CLDN14: variants seen among roughly 807,000 people sequenced by gnomAD.
The protein encoded by CLDN14 is claudin-14.
A neutral mutation model predicts 2.1 loss-of-function variants in CLDN14; 2 were observed. The ratio of observed to expected loss-of-function variants is 0.96; its 90% CI spans 0.39 to 3.01. CLDN14 has a LOEUF of 3.01. CLDN14 is among the 30% of genes most tolerant of loss of function. The pLI, the probability that CLDN14 is intolerant of heterozygous loss-of-function variation, is 0.09. For synonymous variants in CLDN14, 136 were observed against 154.4 expected, an observed-to-expected ratio of 0.88 and a Z score of 0.88; for missense variants, 298 against 328.0, an observed-to-expected ratio of 0.91 and a Z score of 0.71.
intron 2 of CLDN14, among the ~76,000 whole-genome samples, chr21:36,504,093 C>A (rs1226293699): frequency 6.7e-6 from 1 of 150,324 alleles, no homozygotes; most frequent in Non-Finnish European, 1.5e-5. Context: ...AATACCAGCA[C>A]TTTGGGAGGC....
chr21:36,490,333 A>G (rs962598823), intron 2 of CLDN14, among the ~76,000 whole-genome samples: 12 of 149,532 alleles, frequency 8.0e-5, no homozygotes, highest in African/African-American at 3.0e-4. Context: ...CCTCCCAAAG[A>G]GCTGGGACTA....
At chr21:36,492,327 G>A (rs1057128752) in intron 2 of CLDN14, among the ~76,000 whole-genome samples, 3 of 141,832 alleles carry the variant, frequency 2.1e-5, no homozygotes, top group Non-Finnish European at 3.0e-5. Context: ...CCAGCTACTC[G>A]GGAGGCTGAG....
chr21:36,545,804 T>A (rs2087522407), intron 1 of CLDN14, among the ~76,000 whole-genome samples: 1 of 152,118 alleles, frequency 6.6e-6, no homozygotes, highest in Non-Finnish European at 1.5e-5. Context: ...ATTAAAATGA[T>A]CCTGGCCCAG....
intron 1 of CLDN14, among the ~76,000 whole-genome samples, chr21:36,556,400 A>G (rs2087599440): frequency 6.6e-6 from 1 of 152,164 alleles, no homozygotes; most frequent in Non-Finnish European, 1.5e-5. Flanking sequence ...CTTGGACCCT[A>G]TAGTCCACTC....
At chr21:36,465,458 C>G (rs1469906579) in intron 1 of CLDN14, among the ~76,000 whole-genome samples, 1 of 152,234 alleles carries the variant, frequency 6.6e-6, no homozygotes, top group African/African-American at 2.4e-5. Flanking sequence ...CCCCAACTCC[C>G]AGACACAAGC....
At chr21:36,569,372 C>T (rs2087693128) in intron 1 of CLDN14, among the ~76,000 whole-genome samples, 1 of 150,630 alleles carries the variant, frequency 6.6e-6, no homozygotes, top group Admixed American at 6.6e-5. Flanking sequence ...GCTGAAATCG[C>T]ACCACTATAG....
At position 36,461,329 on chromosome 21, in the gene CLDN14, T is replaced by C. The variant is rs1366119334; in HGVS notation, c.367A>G (p.Thr123Ala). 2 of 1,613,190 alleles carry C rather than the reference T, an allele frequency of 1.2e-6. No individual in the cohort carries two copies. Among genetic ancestry groups the C allele is most frequent in the African/African-American group, 2.7e-5 (2 of 74,900 alleles). ...AGGAGGCCGGCCAGGATGAAGAGGG[T>C]GCCGCCGAGGATGGCAAAGGTGGTC... ...AKTTFAILGG[T>A]LFILAGLLCM... Residue 123 changes from threonine to alanine, a missense_variant, in exon 2 of 2, where the codon ACC becomes GCC. Physicochemically the swap from Thr to Ala is moderately conservative, Grantham distance 58. Coordinates refer to ENST00000399135, the MANE Select transcript of CLDN14 (RefSeq NM_001146079.2).
intron 2 of CLDN14, among the ~76,000 whole-genome samples, chr21:36,485,234 G>A (rs2086883301): frequency 1.3e-5 from 2 of 150,304 alleles, no homozygotes; most frequent in South Asian, 2.1e-4. Context: ...TTTTGATGGC[G>A]TCTTAGTCTG....
At chr21:36,488,948 G>T (rs1224384690) in intron 2 of CLDN14, among the ~76,000 whole-genome samples, 1 of 150,942 alleles carries the variant, frequency 6.6e-6, no homozygotes, top group African/African-American at 2.4e-5. Flanking sequence ...GGCCAACACG[G>T]TGAATACAAA....
chr21:36,470,609 T>C (rs568979762), intron 1 of CLDN14, among the ~76,000 whole-genome samples: 1 of 152,316 alleles, frequency 6.6e-6, no homozygotes, highest in South Asian at 2.1e-4. Context: ...TCCCAGGTTG[T>C]GGTGCTTTGT....
At chr21:36,552,822 G>A (rs895689778) in intron 1 of CLDN14, among the ~76,000 whole-genome samples, 3 of 152,146 alleles carry the variant, frequency 2.0e-5, no homozygotes, top group South Asian at 2.1e-4. Flanking sequence ...CCTTGGCCTC[G>A]CTGCTGGGAG....
chr21:36,570,024 C>T (rs1437488970), intron 1 of CLDN14, among the ~76,000 whole-genome samples: 2 of 152,188 alleles, frequency 1.3e-5, no homozygotes. Flanking sequence ...CTTGCTCTTA[C>T]ACTTTTTATG....
At chr21:36,567,012 A>G (rs975267405) in intron 1 of CLDN14, among the ~76,000 whole-genome samples, 2 of 152,216 alleles carry the variant, frequency 1.3e-5, no homozygotes, top group Admixed American at 6.5e-5. Flanking sequence ...CAAACATGAA[A>G]GATGCTGGAG....
chr21:36,532,773 A>G (rs930509011), intron 1 of CLDN14, among the ~76,000 whole-genome samples: 1 of 152,192 alleles, frequency 6.6e-6, no homozygotes, highest in African/African-American at 2.4e-5. Context: ...TGACTAAAAG[A>G]AAGTATTTAA....
intron 1 of CLDN14, among the ~76,000 whole-genome samples, chr21:36,464,774 T>C (rs910569719): frequency 1.3e-5 from 2 of 152,250 alleles, no homozygotes; most frequent in African/African-American, 4.8e-5. Context: ...CAGTGACTGT[T>C]ACCATCCCCT....
At chr21:36,567,621 G>A (rs988527789) in intron 1 of CLDN14, among the ~76,000 whole-genome samples, 1 of 152,122 alleles carries the variant, frequency 6.6e-6, no homozygotes, top group African/African-American at 2.4e-5. Flanking sequence ...AAGCATTTTT[G>A]TAAACTGAGA....
intron 1 of CLDN14, among the ~76,000 whole-genome samples, chr21:36,515,362 A>G (rs1028057207): frequency 1.3e-5 from 2 of 152,216 alleles, no homozygotes; most frequent in East Asian, 3.9e-4. Flanking sequence ...ATCATGGGAC[A>G]TGATTCAGCC....
chr21:36,501,038 G>A (rs770101361), intron 2 of CLDN14, among the ~76,000 whole-genome samples: 4 of 152,328 alleles, frequency 2.6e-5, no homozygotes, highest in Non-Finnish European at 4.4e-5. Flanking sequence ...CGGGGGGTGC[G>A]GCTCAGCCGC....
intron 2 of CLDN14, among the ~76,000 whole-genome samples, chr21:36,507,023 T>C (rs1042797355): frequency 1.3e-5 from 2 of 151,958 alleles, no homozygotes; most frequent in African/African-American, 4.8e-5. Context: ...CTCAGGAGGC[T>C]GAGGCAGAAG....
Sources: gnomAD v4.1 joint callset for allele counts (sites outside exome capture counted in the v4.1 genomes callset) on GRCh38, gnomAD v4.1.1 for gene constraint, MANE v1.5 for transcripts, NCBI Gene and HGNC (gene_info 2026-07-23, HGNC 2026-07-21) for gene names.